RPS6KA2: variants seen among roughly 807,000 people sequenced by gnomAD.
The protein encoded by RPS6KA2 is ribosomal protein S6 kinase A2.
A neutral mutation model predicts 91.8 loss-of-function variants in RPS6KA2; 42 were observed. The observed-to-expected ratio is 0.46, with a 90% CI of 0.36 to 0.59. The LOEUF is 0.59. Ranked by LOEUF, RPS6KA2 falls within the 20% of genes least tolerant of loss-of-function variation. The pLI is 0.00. For missense variants in RPS6KA2, 798 were observed against 978.5 expected (o/e 0.82, Z 2.46); for synonymous variants, 414 against 393.6 (o/e 1.05, Z -0.61).
At chr6:166,471,196 G>A (rs776339019) in intron 10 of RPS6KA2, among the ~76,000 whole-genome samples, 5 of 152,256 alleles carry the variant, frequency 3.3e-5, no homozygotes, top group Admixed American at 6.5e-5. Flanking sequence ...GGGGCTGCCC[G>A]GGGATGCTGT....
At chr6:166,480,375 T>C (rs185896379) in intron 10 of RPS6KA2, among the ~76,000 whole-genome samples, 252 of 151,488 alleles carry the variant, frequency 1.7e-3, no homozygotes, top group Non-Finnish European at 2.5e-3. Flanking sequence ...GAACTTTCAA[T>C]AGCCCCTTCG....
intron 2 of RPS6KA2, among the ~76,000 whole-genome samples, chr6:166,772,868 T>C (rs1014480109): frequency 6.6e-6 from 1 of 152,222 alleles, no homozygotes; most frequent in African/African-American, 2.4e-5. Context: ...CTGGACTCTC[T>C]TCTTTGCAAA....
intron 1 of RPS6KA2, among the ~76,000 whole-genome samples, chr6:166,545,412 T>C (rs1207272502): frequency 6.6e-6 from 1 of 152,150 alleles, no homozygotes; most frequent in East Asian, 1.9e-4. Flanking sequence ...GCTCCTTTCC[T>C]CTTTGGGGAG....
chr6:166,503,723 A>G (rs998110039), intron 6 of RPS6KA2, among the ~76,000 whole-genome samples: 3 of 152,220 alleles, frequency 2.0e-5, no homozygotes, highest in African/African-American at 7.2e-5. Flanking sequence ...TTCTAAGTGG[A>G]TCACTCCTAG....
chr6:166,413,023 A>G (rs893731483), intron 20 of RPS6KA2, 136 bp from the exon 21 acceptor site: 1 of 969,966 alleles, frequency 1.0e-6, no homozygotes. Flanking sequence ...TCCCTGGAGC[A>G]TGGAGTGCTG....
At chr6:166,570,844 A>AT (rs1184794780) in intron 1 of RPS6KA2, among the ~76,000 whole-genome samples, 1 of 152,246 alleles carries the variant, frequency 6.6e-6, no homozygotes, top group East Asian at 1.9e-4. Flanking sequence ...GTAGATCTGA[A>AT]TAAGTAGACA....
At chr6:166,728,339 G>A (rs1790410414) in intron 2 of RPS6KA2, among the ~76,000 whole-genome samples, 1 of 152,214 alleles carries the variant, frequency 6.6e-6, no homozygotes, top group African/African-American at 2.4e-5. Flanking sequence ...CGTGGTGTGG[G>A]CAATTCCCAT....
intron 2 of RPS6KA2, among the ~76,000 whole-genome samples, chr6:166,766,742 G>A (rs941687635): frequency 1.1e-4 from 16 of 152,262 alleles, no homozygotes; most frequent in Admixed American, 9.2e-4. Flanking sequence ...CCCACCCAGT[G>A]ACTCAAGTAA....
In RPS6KA2 at chr6:166,770,838, A is replaced by C; in HGVS notation, c.123+87362T>G. The C allele has an allele frequency of 1.3e-6, 2 of 1,568,188 alleles. 1 individual carries two copies. The highest frequency in any genetic ancestry group is 1.7e-6 in the Non-Finnish European group (2 of 1,171,800). On this transcript the variant is annotated intron_variant, in intron 2 of 21. Coordinates refer to the RPS6KA2 transcript ENST00000503859. The surrounding 1 kb of genome is among the most constrained non-coding windows in gnomAD (Gnocchi z 5.1). ...GTAACTCACATAAGCATGGAAAAAA[A>C]CAAACCCACAGGAACGCTTCTTACC...
intron 10 of RPS6KA2, among the ~76,000 whole-genome samples, chr6:166,472,114 C>T (rs1048461723): frequency 1.3e-5 from 2 of 152,186 alleles, no homozygotes; most frequent in Non-Finnish European, 2.9e-5. Flanking sequence ...CTGAAGTGTG[C>T]CTCTCCTCTA....
chr6:166,580,059 T>C (rs1784958325), intron 1 of RPS6KA2, among the ~76,000 whole-genome samples: 1 of 152,100 alleles, frequency 6.6e-6, no homozygotes, highest in African/African-American at 2.4e-5. Context: ...AGCCCGGAGG[T>C]TCTGGAGTTG....
chr6:166,816,864 G>A (rs1219941602), intron 2 of RPS6KA2, among the ~76,000 whole-genome samples: 2 of 152,146 alleles, frequency 1.3e-5, no homozygotes, highest in Non-Finnish European at 2.9e-5. Flanking sequence ...AACAGGTAGT[G>A]CTCCACAGAG....
intron 10 of RPS6KA2, among the ~76,000 whole-genome samples, chr6:166,479,773 C>T (rs780702497): frequency 2.1e-4 from 32 of 152,210 alleles, no homozygotes; most frequent in Admixed American, 5.9e-4. Context: ...GAGAAGCACC[C>T]GCTGTAGGAG....
At chr6:166,841,251 T>C (rs1374229660) in intron 2 of RPS6KA2, among the ~76,000 whole-genome samples, 1 of 152,068 alleles carries the variant, frequency 6.6e-6, no homozygotes, top group Admixed American at 6.5e-5. Context: ...AGATCGTGTA[T>C]CAAAAAAATA....
At chr6:166,505,000 G>A (rs1382135376) in intron 5 of RPS6KA2, among the ~76,000 whole-genome samples, 1 of 152,200 alleles carries the variant, frequency 6.6e-6, no homozygotes, top group Non-Finnish European at 1.5e-5. Flanking sequence ...CAAGTAAGAC[G>A]CTGAGGGCTT....
chr6:166,722,934 G>A (rs766053276), intron 2 of RPS6KA2, among the ~76,000 whole-genome samples: 2 of 152,114 alleles, frequency 1.3e-5, no homozygotes, highest in South Asian at 2.1e-4. Flanking sequence ...CACAACTCGC[G>A]AGACACCACC....
intron 10 of RPS6KA2, among the ~76,000 whole-genome samples, chr6:166,479,274 C>T (rs570970487): frequency 7.4e-5 from 11 of 148,366 alleles, no homozygotes; most frequent in South Asian, 2.1e-4. Context: ...AGGGAAGGCA[C>T]GGGCCAGACT....
intron 2 of RPS6KA2, among the ~76,000 whole-genome samples, chr6:166,840,657 A>ATGTACCATCTCACAT (rs1424694566): frequency 5.3e-5 from 8 of 152,194 alleles, no homozygotes; most frequent in Non-Finnish European, 1.2e-4. Flanking sequence ...TAACCTTGAA[A>ATGTACCATCTCACAT]TGTACCATCT....
At chr6:166,622,883 A>T (rs1786695063) in intron 1 of RPS6KA2, among the ~76,000 whole-genome samples, 1 of 152,248 alleles carries the variant, frequency 6.6e-6, no homozygotes, top group South Asian at 2.1e-4. Context: ...GTTTGCCTCT[A>T]TTGTTAGACA....
Sources: allele counts gnomAD v4.1 joint callset (sites outside exome capture counted in the v4.1 genomes callset), GRCh38; gene constraint gnomAD v4.1.1; non-coding constraint Gnocchi (gnomAD v3.1); transcripts MANE v1.5; gene names NCBI Gene and HGNC (gene_info 2026-07-23, HGNC 2026-07-21).